The following ATP8A2 variants were observed in gnomAD, a reference collection of about 807,000 sequenced individuals.
ATP8A2 encodes phospholipid-transporting ATPase IB.
A neutral mutation model predicts 165.6 loss-of-function variants in ATP8A2; 100 were observed. That is an observed-to-expected ratio of 0.60 (90% CI 0.51 to 0.71). The LOEUF (loss-of-function observed/expected upper bound fraction) is 0.71, where lower values mean the gene tolerates loss of function less well. Ranked by LOEUF, ATP8A2 falls within the 30% of genes least tolerant of loss-of-function variation. The pLI is 0.00. For missense variants in ATP8A2, 1,227 were observed against 1,479.5 expected, an observed-to-expected ratio of 0.83 and a Z score of 2.80; for synonymous variants, 543 against 548.8, an observed-to-expected ratio of 0.99 and a Z score of 0.15.
chr13:25,780,919 C>T (rs993905120), intron 27 of ATP8A2, among the ~76,000 whole-genome samples: 1 of 152,120 alleles, frequency 6.6e-6, no homozygotes, highest in African/African-American at 2.4e-5. Flanking sequence ...GTCCGTGGCC[C>T]AGGGGTTGGG....
intron 33 of ATP8A2, among the ~76,000 whole-genome samples, chr13:25,882,894 A>AGAT (rs3837558): frequency 0.19 from 27,498 of 147,100 alleles, 3,004 homozygotes; most frequent in East Asian, 0.41. Flanking sequence ...CCTGTGCCTG[A>AGAT]GATGATGATG....
intron 30 of ATP8A2, among the ~76,000 whole-genome samples, chr13:25,850,563 C>G (rs1022928614): frequency 6.6e-6 from 1 of 151,056 alleles, no homozygotes; most frequent in Non-Finnish European, 1.5e-5. Context: ...TAGATAAATA[C>G]TGTTCCAAAG....
intron 28 of ATP8A2, among the ~76,000 whole-genome samples, chr13:25,830,067 G>A (rs1951424575): frequency 6.7e-6 from 1 of 149,982 alleles, no homozygotes; most frequent in South Asian, 2.1e-4. Context: ...GGAGTGCAGT[G>A]GTGCCATCAC....
intron 1 of ATP8A2, among the ~76,000 whole-genome samples, chr13:25,409,550 CAG>C (rs1172117907): frequency 6.6e-6 from 1 of 152,250 alleles, no homozygotes; most frequent in African/African-American, 2.4e-5. Context: ...GAGCTTCAGA[CAG>C]AGCAAAAACA....
chr13:25,596,676 A>G (rs2040244178), intron 24 of ATP8A2, among the ~76,000 whole-genome samples: 1 of 152,174 alleles, frequency 6.6e-6, no homozygotes, highest in African/African-American at 2.4e-5. Context: ...GTTACAGGAC[A>G]TTTTCATTAT....
At chr13:25,387,113 C>T (rs1593238863) in intron 1 of ATP8A2, among the ~76,000 whole-genome samples, 5 of 152,272 alleles carry the variant, frequency 3.3e-5, no homozygotes, top group Non-Finnish European at 5.9e-5. Flanking sequence ...TGGCTCATTC[C>T]GTGCTTGGGA....
At chr13:25,452,862 A>C (rs547641258) in intron 1 of ATP8A2, among the ~76,000 whole-genome samples, 1 of 152,186 alleles carries the variant, frequency 6.6e-6, no homozygotes, top group South Asian at 2.1e-4. Flanking sequence ...TGGGAGGCTG[A>C]GGCAGGAGGA....
At chr13:25,437,696 G>A (rs373529389) in intron 1 of ATP8A2, among the ~76,000 whole-genome samples, 15 of 152,324 alleles carry the variant, frequency 9.8e-5, no homozygotes, top group African/African-American at 3.4e-4. Context: ...AAAGAGTCAT[G>A]TATCTTTTAG....
intron 10 of ATP8A2, among the ~76,000 whole-genome samples, chr13:25,548,183 G>A (rs911765990): frequency 6.6e-6 from 1 of 152,110 alleles, no homozygotes; most frequent in African/African-American, 2.4e-5. Flanking sequence ...CCATGATCAC[G>A]CCACTGCACT....
At chr13:25,657,242 G>A (rs1163391768) in intron 24 of ATP8A2, among the ~76,000 whole-genome samples, 1 of 151,994 alleles carries the variant, frequency 6.6e-6, no homozygotes, top group East Asian at 1.9e-4. Flanking sequence ...ATAAGAGGAG[G>A]AGCTGTCTGT....
At chr13:25,858,026 T>G (rs1378670830) in intron 30 of ATP8A2, among the ~76,000 whole-genome samples, 2 of 152,200 alleles carry the variant, frequency 1.3e-5, no homozygotes, top group African/African-American at 2.4e-5. Flanking sequence ...TAAAATAGGC[T>G]GTAAGTAAAT....
chr13:25,470,604 T>C lies in ATP8A2; in HGVS notation c.221+1483T>C, dbSNP rs187733940. Among the ~76,000 whole-genome samples the C allele has an allele frequency of 2.6e-5, 4 of 152,328 alleles. 1 individual carries two copies. Among genetic ancestry groups the C allele is most frequent in the Admixed American group, 2.6e-4 (4 of 15,304 alleles). ...CCATATGACCTAGCCGTTCTACTCCTGGGTAATCTGCCCGAGAGAAATGAA... is the reference window on the plus strand; with the variant it reads ...CCATATGACCTAGCCGTTCTACTCCCGGGTAATCTGCCCGAGAGAAATGAA... On this transcript the variant is annotated intron_variant, in intron 2 of 36. Transcript: ENST00000381655.
chr13:25,518,873 T>C (rs1248184208), intron 2 of ATP8A2, among the ~76,000 whole-genome samples: 1 of 152,186 alleles, frequency 6.6e-6, no homozygotes, highest in Non-Finnish European at 1.5e-5. Context: ...ATCCACCCCA[T>C]GAGTTGGGCT....
chr13:25,638,227 C>T (rs1385879503), intron 24 of ATP8A2, among the ~76,000 whole-genome samples: 1 of 152,240 alleles, frequency 6.6e-6, no homozygotes, highest in African/African-American at 2.4e-5. Flanking sequence ...AACGCAGCTC[C>T]TCGCCAGCAA....
chr13:25,863,276 C>T (rs760502098), intron 33 of ATP8A2: 3 of 152,382 alleles, frequency 2.0e-5, no homozygotes, highest in Non-Finnish European at 4.4e-5. Context: ...TGCACAGAGT[C>T]CATCTTCCCA....
chr13:25,676,412 T>C (rs1215103660), intron 24 of ATP8A2, among the ~76,000 whole-genome samples: 1 of 152,128 alleles, frequency 6.6e-6, no homozygotes, highest in Non-Finnish European at 1.5e-5. Context: ...AGGTGGAGGA[T>C]GGCAGGGAAA....
In ATP8A2 at chr13:25,372,437, G is replaced by GCGCC; in HGVS notation, c.76+149_76+150insCGCC. ...TCTGGGCTGCAGGATCCGCCGACGC[G>GCGCC]GCGCGCTGGCCGCACGGGGGCTGGG... On this transcript the variant is annotated intron_variant, in intron 1 of 36. Transcript: ENST00000381655. The surrounding 1 kb of genome is among the most constrained non-coding windows in gnomAD (Gnocchi z 4.8). The GCGCC allele has an allele frequency of 1.9e-6, 1 of 528,450 alleles. No homozygotes were observed. Among genetic ancestry groups the GCGCC allele is most frequent in the Non-Finnish European group, 2.9e-6 (1 of 346,666 alleles). The allele number at this position is 528,450 out of a possible 1,614,324, so 32.7% of individuals were successfully genotyped here. A position where few individuals can be genotyped will look rare whatever the true frequency, so the allele number is the denominator to read the frequency against.
intron 24 of ATP8A2, among the ~76,000 whole-genome samples, chr13:25,652,448 A>G (rs987538390): frequency 1.3e-5 from 2 of 152,164 alleles, no homozygotes; most frequent in African/African-American, 4.8e-5. Context: ...ACTTTATGAC[A>G]TATTTTAATG....
chr13:25,862,155 A>G, intron 32 of ATP8A2, 146 bp from the exon 33 acceptor site: 1 of 601,992 alleles, frequency 1.7e-6, no homozygotes, highest in Non-Finnish European at 3.0e-6. Context: ...AATTAGAAAG[A>G]TTGAACTTCC....
Sources: allele counts gnomAD v4.1 joint callset (sites outside exome capture counted in the v4.1 genomes callset), GRCh38; gene constraint gnomAD v4.1.1; non-coding constraint Gnocchi (gnomAD v3.1); transcripts MANE v1.5; gene names NCBI Gene and HGNC (gene_info 2026-07-23, HGNC 2026-07-21).